The following MPP2 variants were observed in gnomAD, a reference collection of about 807,000 sequenced individuals.
MPP2 encodes the protein MAGUK p55 subfamily member 2.
In MPP2, 42 loss-of-function variants were observed where a neutral mutation model predicts 58.5. That is an observed-to-expected ratio of 0.72 (90% CI 0.56 to 0.93). The LOEUF (loss-of-function observed/expected upper bound fraction) is 0.93. MPP2 is among the 40% of genes least tolerant of loss of function. MPP2 has a pLI of 0.00. For synonymous variants in MPP2, 300 were observed against 307.8 expected (o/e 0.97, Z 0.26); for missense variants, 632 against 760.4 (o/e 0.83, Z 1.99).
In MPP2 at chr17:43,877,549, T is replaced by G. The variant is rs892057635; in HGVS notation, c.*258A>C. 4.0e-6 allele frequency: 2 copies of G among 500,688 alleles called. No individual in the cohort carries two copies. The highest frequency in any genetic ancestry group is 3.2e-5 in the Admixed American group (1 of 31,420). 31.0% of individuals were successfully genotyped at this position (500,688 alleles called of 1,614,324 possible). ...CTCTGACACATTCCTGGGCATAGCT[T>G]GGCCCTCAGAGATATCTGGTGACCA... On this transcript the variant is annotated 3_prime_UTR_variant, in exon 13 of 13. Transcript: ENST00000269095.
chr17:43,907,549 C>T, upstream of MPP2: 1 of 985,502 alleles, frequency 1.0e-6, no homozygotes, highest in Non-Finnish European at 1.2e-6. Flanking sequence ...TTGTCAATCG[C>T]TAGCCCGGCT....
chr17:43,901,300 G>T, intron 2 of MPP2: 1 of 985,534 alleles, frequency 1.0e-6, no homozygotes, highest in Non-Finnish European at 1.2e-6. Flanking sequence ...CCTCACAGCA[G>T]CTTCTTCCCC....
intron 2 of MPP2, chr17:43,900,385 A>G: frequency 6.7e-7 from 1 of 1,483,446 alleles, no homozygotes; most frequent in Non-Finnish European, 9.1e-7. Flanking sequence ...CTCCCAGGCC[A>G]CCCTCCCCAG....
At chr17:43,907,602 A>T, upstream of MPP2, 1 of 985,480 alleles carries the variant, frequency 1.0e-6, no homozygotes, top group South Asian at 4.7e-5. Context: ...GGAGGTCCGG[A>T]GGAGAGGGGA....
intron 3 of MPP2, chr17:43,883,983 G>T (rs2143590618): frequency 1.6e-6 from 1 of 642,180 alleles, no homozygotes; most frequent in African/African-American, 1.8e-5. Context: ...TAGGTTAGAT[G>T]GGTCAGGAAG....
intron 3 of MPP2, among the ~76,000 whole-genome samples, chr17:43,896,501 AC>A (rs2047853375): frequency 7.4e-6 from 1 of 134,760 alleles, no homozygotes; most frequent in South Asian, 2.4e-4. Flanking sequence ...TCAGAGAGCC[AC>A]CGAGCCTTCA....
intron 3 of MPP2, among the ~76,000 whole-genome samples, chr17:43,892,451 A>T (rs964024221): frequency 6.6e-6 from 1 of 152,228 alleles, no homozygotes; most frequent in Non-Finnish European, 1.5e-5. Flanking sequence ...TGTCCAATGC[A>T]GGGAGCTCTG....
At chr17:43,904,334 G>A in intron 2 of MPP2, 96 bp downstream of exon 2, 1 of 1,186,770 alleles carries the variant, frequency 8.4e-7, no homozygotes, top group South Asian at 1.3e-5. Flanking sequence ...GAGCCAGTTG[G>A]TTCTTATCTG....
chr17:43,883,106 C>A, intron 4 of MPP2, 54 bp from the exon 5 acceptor site: 1 of 1,567,724 alleles, frequency 6.4e-7, no homozygotes, highest in South Asian at 1.2e-5. Flanking sequence ...GGGTCTCTTC[C>A]CATCCCAGAT....
intron 1 of MPP2, among the ~76,000 whole-genome samples, chr17:43,906,861 G>GCC (rs780132225): frequency 1.5e-4 from 11 of 74,668 alleles, no homozygotes; most frequent in African/African-American, 6.0e-4. Flanking sequence ...TATCCGCACC[G>GCC]CCCCCCCCTT....
intron 3 of MPP2, among the ~76,000 whole-genome samples, chr17:43,890,832 A>T (rs2047575341): frequency 6.6e-6 from 1 of 152,036 alleles, no homozygotes; most frequent in Non-Finnish European, 1.5e-5. Context: ...GGGTCTGGCC[A>T]TCCCAGACAT....
chr17:43,907,441 T>C (rs1016973723), intron 1 of MPP2, 33 bp downstream of exon 1: 4 of 985,478 alleles, frequency 4.1e-6, no homozygotes, highest in Non-Finnish European at 4.8e-6. Context: ...GGTCTTGGGA[T>C]AGGAGCTGGC....
intron 12 of MPP2, among the ~76,000 whole-genome samples, chr17:43,878,482 G>A (rs1275399040): frequency 6.6e-6 from 1 of 152,196 alleles, no homozygotes; most frequent in Admixed American, 6.5e-5. Flanking sequence ...GGGCAGGGGT[G>A]AGGAAGGGTA....
chr17:43,883,419 G>A (rs1360567754), intron 3 of MPP2, 64 bp from the exon 4 acceptor site: 4 of 1,549,298 alleles, frequency 2.6e-6, no homozygotes, highest in South Asian at 1.2e-5. Context: ...ACACCAAGCA[G>A]GGTCCTCCCT....
chr17:43,890,265 T>G (rs1295832926), intron 3 of MPP2, among the ~76,000 whole-genome samples: 1 of 152,222 alleles, frequency 6.6e-6, no homozygotes, highest in East Asian at 1.9e-4. Flanking sequence ...TTTTTCATGT[T>G]AAGTGACACA....
chr17:43,883,095 CGG>C, intron 4 of MPP2, 43 bp from the exon 5 acceptor site: 1 of 1,577,434 alleles, frequency 6.3e-7, no homozygotes. Context: ...GGCAGTGTCC[CGG>C]GTCTCTTCCC....
At chr17:43,887,048 T>A (rs796627846) in intron 3 of MPP2, among the ~76,000 whole-genome samples, 10 of 53,206 alleles carry the variant, frequency 1.9e-4, no homozygotes, top group African/African-American at 5.2e-4. Flanking sequence ...TGTTTTTGCA[T>A]GCAAAAAAAA....
At chr17:43,878,284 G>A (rs2046937108) in intron 12 of MPP2, among the ~76,000 whole-genome samples, 1 of 152,194 alleles carries the variant, frequency 6.6e-6, no homozygotes, top group South Asian at 2.1e-4. Context: ...CCCATTTATA[G>A]CAGAGAAAAT....
At chr17:43,903,642 G>C (rs528448713) in intron 2 of MPP2, among the ~76,000 whole-genome samples, 2 of 152,258 alleles carry the variant, frequency 1.3e-5, no homozygotes, top group African/African-American at 4.8e-5. Flanking sequence ...AGCCAAGCTT[G>C]CGCCACTGCA....
Sources: gnomAD v4.1 joint callset for allele counts (sites outside exome capture counted in the v4.1 genomes callset) on GRCh38, gnomAD v4.1.1 for gene constraint, MANE v1.5 for transcripts, NCBI Gene and HGNC (gene_info 2026-07-23, HGNC 2026-07-21) for gene names.